GLIS3: variants seen among roughly 807,000 people sequenced by gnomAD.
GLIS3 encodes zinc finger protein GLIS3.
In GLIS3, 53 loss-of-function variants were observed where a neutral mutation model predicts 78.6. The observed-to-expected ratio is 0.67, with a 90% CI of 0.54 to 0.85. The LOEUF is 0.85. Among genes scored for constraint, GLIS3 ranks in the 40% least tolerant of loss-of-function variants. The pLI is 0.00. For missense variants in GLIS3, 1,703 were observed against 1,231.1 expected (o/e 1.38, Z -5.74); for synonymous variants, 684 against 509.9 (o/e 1.34, Z -4.60).
chr9:4,262,161 G>C lies in GLIS3; in HGVS notation c.388+23877C>G, dbSNP rs1055906594. Among the ~76,000 whole-genome samples, 5 of 152,240 alleles carry C rather than the reference G, an allele frequency of 3.3e-5. No individual in the cohort carries two copies. The South Asian group carries it at 1.0e-3, about 32-fold the overall frequency. The stretch of plus-strand genomic sequence containing the variant: ...TCGGATCTGGGAGCCATAGTGCAGT[G>C]CAAGGGGGAGAAAAAGGAAAAGGAG... On this transcript the variant is annotated intron_variant, in intron 2 of 10. Coordinates refer to ENST00000381971, the MANE Select transcript of GLIS3 (RefSeq NM_001042413.2).
At chr9:4,434,045 G>A in the GLIS3 span, among the ~76,000 whole-genome samples, 16 of 147,362 alleles carry the variant, frequency 1.1e-4, no homozygotes, top group African/African-American at 2.7e-4. Context: ...GCAGTGAGCC[G>A]AGATTGCGCC....
At chr9:4,069,704 T>C (rs1043339386) in intron 4 of GLIS3, among the ~76,000 whole-genome samples, 14 of 152,182 alleles carry the variant, frequency 9.2e-5, no homozygotes, top group African/African-American at 2.9e-4. Context: ...CTACAGTGCA[T>C]ACTTACAGGG....
At chr9:4,241,756 C>A (rs1421266112) in intron 2 of GLIS3, among the ~76,000 whole-genome samples, 2 of 152,108 alleles carry the variant, frequency 1.3e-5, no homozygotes, top group Non-Finnish European at 2.9e-5. Context: ...GATCTTGGCT[C>A]ACTGCAACCC....
intron 4 of GLIS3, among the ~76,000 whole-genome samples, chr9:4,088,852 T>C (rs1176158788): frequency 6.6e-6 from 1 of 152,246 alleles, no homozygotes; most frequent in Non-Finnish European, 1.5e-5. Context: ...AAAGTTGAGA[T>C]ACTTCACAGC....
At chr9:4,212,070 A>T (rs1356766917) in intron 2 of GLIS3, among the ~76,000 whole-genome samples, 1 of 152,240 alleles carries the variant, frequency 6.6e-6, no homozygotes, top group African/African-American at 2.4e-5. Context: ...GGGATTCTAA[A>T]ACTGGATTAT....
At chr9:4,037,588 A>G (rs1307961178) in intron 4 of GLIS3, among the ~76,000 whole-genome samples, 1 of 152,126 alleles carries the variant, frequency 6.6e-6, no homozygotes, top group Non-Finnish European at 1.5e-5. Flanking sequence ...ACACACAGAG[A>G]CAATAAATCC....
the GLIS3 span, among the ~76,000 whole-genome samples, chr9:4,466,988 C>T: frequency 2.0e-5 from 3 of 152,216 alleles, no homozygotes; most frequent in East Asian, 1.9e-4. Flanking sequence ...GATTATATCC[C>T]GCACCTGGCT....
At chr9:3,876,411 A>T (rs1821311732) in intron 8 of GLIS3, among the ~76,000 whole-genome samples, 1 of 151,846 alleles carries the variant, frequency 6.6e-6, no homozygotes, top group Non-Finnish European at 1.5e-5. Context: ...AGAAAACATT[A>T]TTCACAAAAT....
At chr9:3,990,003 C>G (rs1219243135) in intron 4 of GLIS3, among the ~76,000 whole-genome samples, 2 of 152,196 alleles carry the variant, frequency 1.3e-5, no homozygotes, top group African/African-American at 4.8e-5. Context: ...ATAAAGTGTA[C>G]AAGGGCTCTC....
chr9:3,971,358 G>A (rs573937), intron 4 of GLIS3, among the ~76,000 whole-genome samples: 33,918 of 152,044 alleles, frequency 0.22, 4,017 homozygotes, highest in African/African-American at 0.27. Flanking sequence ...GCCCTTACTC[G>A]GTTGAGGGAA....
chr9:4,405,713 C>T, the GLIS3 span, among the ~76,000 whole-genome samples: 1 of 151,770 alleles, frequency 6.6e-6, no homozygotes, highest in Non-Finnish European at 1.5e-5. Context: ...ATTCCAAACT[C>T]ATTCTACAAA....
chr9:4,471,155 A>T, the GLIS3 span, among the ~76,000 whole-genome samples: 3 of 152,350 alleles, frequency 2.0e-5, no homozygotes, highest in African/African-American at 7.2e-5. Context: ...AGGAAGAATC[A>T]ATATTGTGAA....
chr9:4,439,485 T>C, the GLIS3 span, among the ~76,000 whole-genome samples: 1 of 152,222 alleles, frequency 6.6e-6, no homozygotes, highest in African/African-American at 2.4e-5. Flanking sequence ...TGTTTCTATA[T>C]GTTTGCCTAT....
At chr9:4,328,324 G>C (rs773876545) in intron 2 of GLIS3, among the ~76,000 whole-genome samples, 3 of 152,172 alleles carry the variant, frequency 2.0e-5, no homozygotes, top group African/African-American at 4.8e-5. Context: ...TCCCCCTGAA[G>C]TTCCAGTTGA....
intron 2 of GLIS3, among the ~76,000 whole-genome samples, chr9:4,330,480 A>T (rs1055150101): frequency 6.6e-6 from 1 of 152,260 alleles, no homozygotes; most frequent in Non-Finnish European, 1.5e-5. Context: ...CGAAAGACCC[A>T]GTCAGTCAAA....
chr9:4,178,392 C>T (rs983545754), intron 2 of GLIS3, among the ~76,000 whole-genome samples: 2 of 152,058 alleles, frequency 1.3e-5, no homozygotes, highest in African/African-American at 4.8e-5. Context: ...TATGAACGGC[C>T]TTTAGGTTGA....
chr9:4,352,547 T>C (rs751573053), upstream of GLIS3, among the ~76,000 whole-genome samples: 142 of 152,240 alleles, frequency 9.3e-4, no homozygotes, highest in Non-Finnish European at 1.3e-3. Context: ...ACCATGCTCT[T>C]TAGAGATGGC....
intron 2 of GLIS3, among the ~76,000 whole-genome samples, chr9:4,168,178 TACAC>T (rs371286709): frequency 2.0e-5 from 3 of 150,776 alleles, no homozygotes; most frequent in African/African-American, 7.3e-5. Flanking sequence ...CTCTCTCTCT[TACAC>T]ACACACACAC....
chr9:3,841,306 C>A (rs1818700847), intron 9 of GLIS3, among the ~76,000 whole-genome samples: 1 of 152,150 alleles, frequency 6.6e-6, no homozygotes, highest in Admixed American at 6.5e-5. Flanking sequence ...GGTGATAATG[C>A]ACATTTGGAA....
Sources: gnomAD v4.1 joint callset for allele counts (sites outside exome capture counted in the v4.1 genomes callset) on GRCh38, gnomAD v4.1.1 for gene constraint, MANE v1.5 for transcripts, NCBI Gene and HGNC (gene_info 2026-07-23, HGNC 2026-07-21) for gene names.